The following CDK14 variants were observed in gnomAD, a reference collection of about 807,000 sequenced individuals.
The protein encoded by CDK14 is cyclin-dependent kinase 14.
A neutral mutation model predicts 60.7 loss-of-function variants in CDK14; 34 were observed. That is an observed-to-expected ratio of 0.56 (90% confidence interval 0.43 to 0.75). CDK14 has a LOEUF of 0.75. Ranked by LOEUF, CDK14 falls within the 30% of genes least tolerant of loss-of-function variation. The pLI, the probability that CDK14 is intolerant of heterozygous loss-of-function variation, is 0.00. For missense variants in CDK14, 482 were observed against 564.1 expected, an observed-to-expected ratio of 0.85 and a Z score of 1.47; for synonymous variants, 197 against 203.7, an observed-to-expected ratio of 0.97 and a Z score of 0.28.
rs1803067855 is a variant in CDK14 at position 90,735,671 on chromosome 7, A to AC, written c.369+8864dup. Among the ~76,000 whole-genome samples the AC allele has an allele frequency of 1.3e-5, 2 of 151,786 alleles. 1 individual carries two copies. The highest frequency in any genetic ancestry group is 3.9e-4 in the East Asian group (2 of 5,144). On this transcript the variant is annotated intron_variant, in intron 3 of 14. Transcript: ENST00000380050. ...AAGCCTCAGCAAAGGCGATTCTCCC[A>AC]CCCCCACCTAGCTTAAGCGTCCCAG...
At chr7:90,630,589 C>G (rs1178619963) in intron 2 of CDK14, among the ~76,000 whole-genome samples, 2 of 152,142 alleles carry the variant, frequency 1.3e-5, no homozygotes, top group Non-Finnish European at 2.9e-5. Flanking sequence ...GTAACGTCTA[C>G]CATTCTGGCA....
At chr7:90,819,462 T>C (rs1367826404) in intron 5 of CDK14, among the ~76,000 whole-genome samples, 4 of 152,086 alleles carry the variant, frequency 2.6e-5, no homozygotes, top group African/African-American at 9.7e-5. Context: ...AACTGCAATT[T>C]GTGTTTTACA....
intron 8 of CDK14, among the ~76,000 whole-genome samples, chr7:90,934,727 A>G (rs1372702647): frequency 2.6e-5 from 4 of 152,234 alleles, no homozygotes; most frequent in African/African-American, 9.6e-5. Flanking sequence ...CTTAAAAACT[A>G]TTATTTTAGG....
At chr7:90,822,952 A>G (rs1789601278) in intron 5 of CDK14, among the ~76,000 whole-genome samples, 1 of 152,164 alleles carries the variant, frequency 6.6e-6, no homozygotes, top group Non-Finnish European at 1.5e-5. Flanking sequence ...TATGTATGTT[A>G]TACTCTGACA....
chr7:91,091,493 T>C lies in CDK14; in HGVS notation c.1154+12013T>C, dbSNP rs1798820121. Among the ~76,000 whole-genome samples, 2 of 53,964 alleles carry C rather than the reference T, an allele frequency of 3.7e-5. 1 individual carries two copies. Among genetic ancestry groups the C allele is most frequent in the East Asian group, 1.6e-3 (2 of 1,282 alleles). 35.4% of individuals were successfully genotyped at this position (53,964 alleles called of 152,430 possible). ...TATATACATATATGTATATGTAGTT[T>C]ATATATTTTATATATATATATATAA... On this transcript the variant is annotated intron_variant, in intron 12 of 14. Transcript: ENST00000380050.
intron 14 of CDK14, among the ~76,000 whole-genome samples, chr7:91,157,789 T>C (rs1269875564): frequency 6.6e-6 from 1 of 152,200 alleles, no homozygotes; most frequent in Non-Finnish European, 1.5e-5. Context: ...CCTTGCAGGA[T>C]GGTTGGGCAA....
At chr7:90,941,870 T>C (rs1793947640) in intron 8 of CDK14, among the ~76,000 whole-genome samples, 1 of 152,200 alleles carries the variant, frequency 6.6e-6, no homozygotes, top group Non-Finnish European at 1.5e-5. Context: ...GTGCCTGTAA[T>C]GTTGACCCTT....
intron 6 of CDK14, among the ~76,000 whole-genome samples, chr7:90,867,775 C>T (rs1361192423): frequency 6.6e-6 from 1 of 151,964 alleles, no homozygotes; most frequent in Admixed American, 6.6e-5. Context: ...TGATATTGTG[C>T]ACTTACAATT....
chr7:90,754,475 TAACTC>T (rs1361512427), intron 4 of CDK14, among the ~76,000 whole-genome samples: 4 of 152,162 alleles, frequency 2.6e-5, no homozygotes, highest in African/African-American at 4.8e-5. Flanking sequence ...ATATAAAAAT[TAACTC>T]AAGATGGATT....
intron 7 of CDK14, among the ~76,000 whole-genome samples, chr7:90,900,138 A>T (rs1792459069): frequency 1.3e-5 from 2 of 152,304 alleles, no homozygotes; most frequent in South Asian, 4.1e-4. Flanking sequence ...CCATAGTCGA[A>T]TCACCTGGGA....
At chr7:90,710,415 T>C (rs558972527) in intron 2 of CDK14, 2 of 985,350 alleles carry the variant, frequency 2.0e-6, no homozygotes, top group South Asian at 4.7e-5. Context: ...AGTAAACTGA[T>C]GTCCATGAAT....
intron 6 of CDK14, among the ~76,000 whole-genome samples, chr7:90,896,921 T>C (rs1181679936): frequency 6.6e-6 from 1 of 152,182 alleles, no homozygotes; most frequent in Non-Finnish European, 1.5e-5. Flanking sequence ...TTTTTGTGAG[T>C]AGGCCATTTG....
chr7:90,995,269 G>A (rs1795652324), intron 10 of CDK14, among the ~76,000 whole-genome samples: 1 of 152,164 alleles, frequency 6.6e-6, no homozygotes, highest in South Asian at 2.1e-4. Flanking sequence ...CTCATATCAA[G>A]GAACTGATGT....
At chr7:91,056,877 A>G (rs1177942843) in intron 11 of CDK14, among the ~76,000 whole-genome samples, 1 of 152,190 alleles carries the variant, frequency 6.6e-6, no homozygotes, top group African/African-American at 2.4e-5. Flanking sequence ...ATACGTGTGT[A>G]CGTGTCTTTA....
At chr7:90,609,096 G>A (rs191611867) in intron 2 of CDK14, among the ~76,000 whole-genome samples, 111 of 152,106 alleles carry the variant, frequency 7.3e-4, no homozygotes, top group Non-Finnish European at 1.0e-3. Flanking sequence ...GTGCCATCGC[G>A]GCTCACTGCA....
intron 12 of CDK14, among the ~76,000 whole-genome samples, chr7:91,106,611 CTG>C (rs755735220): frequency 2.6e-5 from 4 of 151,944 alleles, no homozygotes; most frequent in African/African-American, 9.7e-5. Flanking sequence ...ATAGATGAGA[CTG>C]TGTCATTAGA....
At chr7:90,644,474 T>G (rs1800416890) in intron 2 of CDK14, among the ~76,000 whole-genome samples, 2 of 152,194 alleles carry the variant, frequency 1.3e-5, no homozygotes, top group African/African-American at 4.8e-5. Flanking sequence ...CTTGTTGAGC[T>G]TATGTCTAAT....
chr7:91,027,099 T>G (rs1796595983), intron 10 of CDK14, among the ~76,000 whole-genome samples: 1 of 152,190 alleles, frequency 6.6e-6, no homozygotes, highest in African/African-American at 2.4e-5. Flanking sequence ...TCAGCATTAG[T>G]CTCTTAGCTG....
chr7:91,070,961 A>G (rs1798124451), intron 11 of CDK14, among the ~76,000 whole-genome samples: 2 of 152,190 alleles, frequency 1.3e-5, no homozygotes, highest in South Asian at 2.1e-4. Context: ...GGAAAGTAAT[A>G]TAGGATAAAG....
Sources: allele counts gnomAD v4.1 joint callset (sites outside exome capture counted in the v4.1 genomes callset), GRCh38; gene constraint gnomAD v4.1.1; transcripts MANE v1.5; gene names NCBI Gene and HGNC (gene_info 2026-07-23, HGNC 2026-07-21).